Variants in RNLS observed in about 807,000 individuals in gnomAD.
The protein encoded by RNLS is renalase.
RNLS carries 39 observed loss-of-function variants against 39.8 expected under a neutral mutation model. The observed-to-expected ratio is 0.98, with a 90% CI of 0.76 to 1.28. RNLS has a LOEUF of 1.28. Among genes scored for constraint, RNLS ranks in the 50% most tolerant of loss-of-function variants. RNLS has a pLI of 0.00. For synonymous variants in RNLS, 147 were observed against 150.7 expected (o/e 0.98, Z 0.18); for missense variants, 410 against 413.3 (o/e 0.99, Z 0.07).
the RNLS span, among the ~76,000 whole-genome samples, chr10:88,203,834 G>A: frequency 4.6e-5 from 7 of 151,662 alleles, no homozygotes; most frequent in Admixed American, 2.6e-4. Flanking sequence ...TTTAATATGT[G>A]AGTAGTGTTA....
chr10:88,217,738 G>GAAAAAAAAAAAAAAAA, the RNLS span, among the ~76,000 whole-genome samples: 89 of 97,564 alleles, frequency 9.1e-4, 5 homozygotes, highest in African/African-American at 1.3e-3. Context: ...GCCTTCAAAT[G>GAAAAAAAAAAAAAAAA]AAAAAAAAAA....
the RNLS span, among the ~76,000 whole-genome samples, chr10:88,182,803 G>A: frequency 6.6e-6 from 1 of 151,530 alleles, no homozygotes; most frequent in Non-Finnish European, 1.5e-5. Flanking sequence ...GCTTTTTTTT[G>A]TTTGTTTTAA....
At chr10:88,580,387 G>A (rs1477088934) in intron 3 of RNLS, among the ~76,000 whole-genome samples, 1 of 152,094 alleles carries the variant, frequency 6.6e-6, no homozygotes, top group Non-Finnish European at 1.5e-5. Flanking sequence ...CCTCTCTGAT[G>A]CCCAGTGTCA....
At chr10:88,230,904 G>A in the RNLS span, among the ~76,000 whole-genome samples, 2 of 152,164 alleles carry the variant, frequency 1.3e-5, no homozygotes, top group African/African-American at 2.4e-5. Flanking sequence ...GGCTAAATAT[G>A]TTGTCTATGA....
At chr10:88,276,354 G>T (rs891609314) in intron 6 of RNLS, among the ~76,000 whole-genome samples, 1 of 152,008 alleles carries the variant, frequency 6.6e-6, no homozygotes, top group African/African-American at 2.4e-5. Flanking sequence ...TTGCAACCTA[G>T]AAATAGGTTA....
At chr10:88,351,647 T>A (rs1695378337) in intron 5 of RNLS, among the ~76,000 whole-genome samples, 1 of 152,248 alleles carries the variant, frequency 6.6e-6, no homozygotes, top group South Asian at 2.1e-4. Context: ...GTAGTATAGT[T>A]TGAAGTCAGG....
intron 5 of RNLS, among the ~76,000 whole-genome samples, chr10:88,360,818 T>C (rs1849585208): frequency 6.6e-6 from 1 of 152,170 alleles, no homozygotes; most frequent in South Asian, 2.1e-4. Flanking sequence ...CCTCTGAGGA[T>C]GTCAGTATTG....
chr10:88,364,370 C>T (rs951858082), intron 4 of RNLS, among the ~76,000 whole-genome samples: 5 of 152,020 alleles, frequency 3.3e-5, no homozygotes, highest in East Asian at 1.9e-4. Context: ...AGTAATAATC[C>T]TATACATTAT....
chr10:88,574,527 T>C (rs1850040340), intron 3 of RNLS, among the ~76,000 whole-genome samples: 2 of 152,246 alleles, frequency 1.3e-5, no homozygotes, highest in South Asian at 2.1e-4. Flanking sequence ...ATCTTATCTA[T>C]GTAATAATAC....
At chr10:88,256,068 C>T in the RNLS span, among the ~76,000 whole-genome samples, 536 of 152,206 alleles carry the variant, frequency 3.5e-3, 2 homozygotes, top group African/African-American at 0.013. Context: ...AAAACCAGCC[C>T]GTGGGGAATA....
chr10:88,536,315 G>A (rs929433130), intron 4 of RNLS, among the ~76,000 whole-genome samples: 2 of 152,044 alleles, frequency 1.3e-5, no homozygotes, highest in African/African-American at 2.4e-5. Flanking sequence ...AAAAGCAACC[G>A]TCAATTCTCA....
chr10:88,427,958 T>C (rs1854897138), intron 4 of RNLS, among the ~76,000 whole-genome samples: 1 of 151,896 alleles, frequency 6.6e-6, no homozygotes, highest in South Asian at 2.1e-4. Flanking sequence ...CTATGTTGCC[T>C]TTACTAGGAG....
intron 5 of RNLS, among the ~76,000 whole-genome samples, chr10:88,339,256 A>T (rs1027919286): frequency 9.9e-5 from 15 of 152,202 alleles, no homozygotes; most frequent in African/African-American, 3.6e-4. Flanking sequence ...GAGCAAATAA[A>T]TTTTAAAAGC....
At chr10:88,217,738 GAAA>G in the RNLS span, among the ~76,000 whole-genome samples, 2 of 97,582 alleles carry the variant, frequency 2.0e-5, no homozygotes, top group Non-Finnish European at 3.9e-5. Context: ...GCCTTCAAAT[GAAA>G]AAAAAAAAAA....
chr10:88,469,822 C>CGTGT (rs199651876), intron 4 of RNLS, among the ~76,000 whole-genome samples: 5,107 of 138,128 alleles, frequency 0.037, 127 homozygotes, highest in African/African-American at 0.055. Context: ...TATGTGTGTG[C>CGTGT]GTGTGTGTGT....
At chr10:88,332,643 A>G (rs1651918330) in intron 5 of RNLS, among the ~76,000 whole-genome samples, 1 of 152,252 alleles carries the variant, frequency 6.6e-6, no homozygotes, top group Admixed American at 6.5e-5. Flanking sequence ...AAGATAAATG[A>G]ATGTGGAAAT....
rs576353817 is a variant in RNLS, at chr10:88,547,301, C to A, written c.526+25602G>T. ...CAAAGTGGAAACATGTGTGCAAGTG[C>A]ATCCATCTGCCTGTCCTGGCACATG... On this transcript the variant is annotated intron_variant, in intron 4 of 6. Transcript: ENST00000331772. Among the ~76,000 whole-genome samples the A allele has an allele frequency of 2.6e-5, 4 of 152,328 alleles. 1 individual carries two copies. The highest frequency in any genetic ancestry group is 9.6e-5 in the African/African-American group (4 of 41,574).
chr10:88,387,331 G>A (rs1403111529), intron 4 of RNLS, among the ~76,000 whole-genome samples: 3 of 152,106 alleles, frequency 2.0e-5, no homozygotes, highest in Non-Finnish European at 4.4e-5. Context: ...ACACTGAAAA[G>A]AGACCTGGAG....
intron 4 of RNLS, among the ~76,000 whole-genome samples, chr10:88,394,618 T>C (rs1487232072): frequency 6.6e-6 from 1 of 152,134 alleles, no homozygotes; most frequent in Non-Finnish European, 1.5e-5. Flanking sequence ...AGTTCAACCA[T>C]TGTGGAAGTC....
Sources: gnomAD v4.1 joint callset for allele counts (sites outside exome capture counted in the v4.1 genomes callset) on GRCh38, gnomAD v4.1.1 for gene constraint, MANE v1.5 for transcripts, NCBI Gene and HGNC (gene_info 2026-07-23, HGNC 2026-07-21) for gene names.